RPS6KA3: variants seen among roughly 807,000 people sequenced by gnomAD.
RPS6KA3 encodes the protein ribosomal protein S6 kinase A3.
Under a neutral mutation model 67.2 loss-of-function variants are expected in RPS6KA3, and 4 were observed. The observed-to-expected ratio is 0.06, with a 90% CI of 0.03 to 0.14. The LOEUF is 0.14. RPS6KA3 is among the 10% of genes least tolerant of loss of function. The probability of loss-of-function intolerance (pLI) is 1.00; values close to 1 mark genes in which losing one functional copy is unlikely to be tolerated. For missense variants in RPS6KA3, 204 were observed against 559.0 expected, an observed-to-expected ratio of 0.36 and a Z score of 6.40; for synonymous variants, 182 against 183.7, an observed-to-expected ratio of 0.99 and a Z score of 0.07.
chrX:20,163,484 A>T (rs1336278034), intron 18 of RPS6KA3, among the ~76,000 whole-genome samples: 1 of 110,957 alleles, frequency 9.0e-6, no homozygotes, highest in South Asian at 3.8e-4. Context: ...CCCAAAAAAA[A>T]ATCTGATGGG....
chrX:20,229,963 C>A (rs1264363631), intron 2 of RPS6KA3, among the ~76,000 whole-genome samples: 1 of 112,132 alleles, frequency 8.9e-6, no homozygotes, highest in East Asian at 2.8e-4. Context: ...ATGGAAAATG[C>A]TTTTAGACTA....
chrX:20,247,791 G>GAAAAAAAAA (rs754788820), intron 1 of RPS6KA3, among the ~76,000 whole-genome samples: 1 of 39,461 alleles, frequency 2.5e-5, no homozygotes, highest in African/African-American at 8.0e-5. Context: ...CGTCTCAAAA[G>GAAAAAAAAA]AAAAAAAAAA....
intron 2 of RPS6KA3, among the ~76,000 whole-genome samples, chrX:20,230,821 C>T (rs2069243027): frequency 9.0e-6 from 1 of 111,566 alleles, no homozygotes; most frequent in African/African-American, 3.3e-5. Flanking sequence ...AAACACCTAA[C>T]ATTTTAAATA....
At chrX:20,263,714 A>G (rs972828200) in intron 1 of RPS6KA3, among the ~76,000 whole-genome samples, 2 of 112,003 alleles carry the variant, frequency 1.8e-5, no homozygotes, top group African/African-American at 3.2e-5. Context: ...AAAAACAGAT[A>G]AGATTCATAA....
intron 3 of RPS6KA3, among the ~76,000 whole-genome samples, chrX:20,207,804 A>AG (rs2068607719): frequency 8.9e-6 from 1 of 112,335 alleles, no homozygotes; most frequent in Non-Finnish European, 1.9e-5. Flanking sequence ...GGTTCAAAAG[A>AG]GGTTAACAAC....
chrX:20,232,952 T>C (rs1399934775), intron 2 of RPS6KA3, among the ~76,000 whole-genome samples: 1 of 111,100 alleles, frequency 9.0e-6, no homozygotes, highest in African/African-American at 3.3e-5. Context: ...TTGGCCAACA[T>C]TGTGCAACCC....
intron 2 of RPS6KA3, among the ~76,000 whole-genome samples, chrX:20,224,820 C>A (rs1211918012): frequency 9.0e-6 from 1 of 111,218 alleles, no homozygotes; most frequent in Non-Finnish European, 1.9e-5. Flanking sequence ...AATCTCCCGT[C>A]GGCATGAAGA....
chrX:20,179,241 C>A (rs2067783225), intron 10 of RPS6KA3, among the ~76,000 whole-genome samples: 1 of 111,928 alleles, frequency 8.9e-6, no homozygotes, highest in South Asian at 3.7e-4. Flanking sequence ...AATAAAGATA[C>A]ATTTAGTTCA....
At chrX:20,164,867 C>T (rs768049856) in intron 18 of RPS6KA3, 32 bp downstream of exon 18, 1 of 1,126,119 alleles carries the variant, frequency 8.9e-7, no homozygotes, top group African/African-American at 1.8e-5. Context: ...TTAAAACATA[C>T]TAATACTGCA....
chrX:20,204,083 G>C lies in RPS6KA3; in HGVS notation c.264C>G (p.Ile88Met), dbSNP rs376080865. 7 of 1,197,757 alleles carry C rather than the reference G, an allele frequency of 5.8e-6. No individual in the cohort carries two copies. The highest frequency in any genetic ancestry group is 6.8e-6 in the Non-Finnish European group (6 of 884,062). Residue 88 changes from isoleucine to methionine, a missense_variant, in exon 4 of 22, where the codon ATC becomes ATG. Around this residue, in one of 4 missense-constraint regions of RPS6KA3, gnomAD observed 76 missense variants for 250.3 expected, o/e 0.30. Coordinates refer to ENST00000379565, the MANE Select transcript of RPS6KA3 (RefSeq NM_004586.3). ...AAAGCTGCCTAGCATCAGAGCCTGA[G>C]ATTTTTTTAACTAAGAAAACCTGCA... ...SFGKVFLVKK[I>M]SGSDARQLYA...
At chrX:20,190,343 C>A (rs2068091305) in intron 7 of RPS6KA3, among the ~76,000 whole-genome samples, 1 of 111,880 alleles carries the variant, frequency 8.9e-6, no homozygotes, top group Non-Finnish European at 1.9e-5. Context: ...AAATTTCTCC[C>A]AAGTTCTGTA....
At chrX:20,176,190 T>C in intron 13 of RPS6KA3, 60 bp downstream of exon 13, 1 of 805,653 alleles carries the variant, frequency 1.2e-6, no homozygotes, top group Non-Finnish European at 1.9e-6. Flanking sequence ...GATTTTCTGA[T>C]GAAACAAGAA....
At chrX:20,216,960 G>A (rs2068870594) in intron 2 of RPS6KA3, among the ~76,000 whole-genome samples, 1 of 112,118 alleles carries the variant, frequency 8.9e-6, no homozygotes, top group Admixed American at 9.5e-5. Flanking sequence ...AGGTGTTAGA[G>A]ATACTAAGAC....
At chrX:20,178,636 CTTTTTTTTT>C (rs757383642) in intron 10 of RPS6KA3, among the ~76,000 whole-genome samples, 2,440 of 39,395 alleles carry the variant, frequency 0.062, 101 homozygotes, top group African/African-American at 0.2. Context: ...CCACACCTGG[CTTTTTTTTT>C]TTTTTTTTTT....
At chrX:20,224,933 T>C (rs1373918729) in intron 2 of RPS6KA3, among the ~76,000 whole-genome samples, 1 of 111,900 alleles carries the variant, frequency 8.9e-6, no homozygotes, top group East Asian at 2.8e-4. Context: ...CACATTTTTT[T>C]TCTTGCTTAG....
chrX:20,254,271 A>G (rs1446201591), intron 1 of RPS6KA3, among the ~76,000 whole-genome samples: 1 of 112,380 alleles, frequency 8.9e-6, no homozygotes, highest in Non-Finnish European at 1.9e-5. Flanking sequence ...TTAATCTTCA[A>G]TTAACTCTTG....
chrX:20,211,001 A>T (rs1200909058), intron 2 of RPS6KA3, among the ~76,000 whole-genome samples: 9 of 105,149 alleles, frequency 8.6e-5, no homozygotes, highest in Admixed American at 3.1e-4. Flanking sequence ...ACCAAATTTA[A>T]AAAAAAAAAA....
rs956234794 is a variant in RPS6KA3 at position 20,151,763 on chromosome X, T to C, written c.*3635A>G. 4 of 112,398 alleles carry C rather than the reference T, an allele frequency of 3.6e-5. No individual in the cohort carries two copies. The highest frequency in any genetic ancestry group is 5.6e-5 in the Non-Finnish European group (3 of 53,314). The allele number at this position is 112,398 out of a possible 1,213,427, so 9.3% of individuals were successfully genotyped here. On this transcript the variant is annotated 3_prime_UTR_variant, in exon 22 of 22. Coordinates refer to ENST00000379565, the MANE Select transcript of RPS6KA3 (RefSeq NM_004586.3). ...GAAGTAGAGAATATCAAAGCCATGC[T>C]GAGATGGGTATTGCTGGCCTCCATG...
intron 18 of RPS6KA3, among the ~76,000 whole-genome samples, chrX:20,163,584 T>A (rs2082958361): frequency 9.0e-6 from 1 of 111,474 alleles, no homozygotes; most frequent in African/African-American, 3.3e-5. Flanking sequence ...ACGCCTGCAG[T>A]CCAGCACTTT....
Sources: gnomAD v4.1 joint callset for allele counts (sites outside exome capture counted in the v4.1 genomes callset) on GRCh38, gnomAD v4.1.1 for gene constraint, gnomAD v4.1.1 regional missense constraint, MANE v1.5 for transcripts, NCBI Gene and HGNC (gene_info 2026-07-23, HGNC 2026-07-21) for gene names.